Variants in AFDN observed in about 807,000 individuals in gnomAD.
AFDN encodes afadin, adherens junction formation factor, also known as afadin.
A neutral mutation model predicts 216.6 loss-of-function variants in AFDN; 68 were observed. The ratio of observed to expected loss-of-function variants is 0.31; its 90% CI spans 0.26 to 0.38. The LOEUF (loss-of-function observed/expected upper bound fraction) is 0.38. Ranked by LOEUF, AFDN falls within the 10% of genes least tolerant of loss-of-function variation. The probability of loss-of-function intolerance (pLI) is 1.00; values close to 1 mark genes in which losing one functional copy is unlikely to be tolerated. For synonymous variants in AFDN, 868 were observed against 853.7 expected (o/e 1.02, Z -0.29); for missense variants, 2,136 against 2,342.0 (o/e 0.91, Z 1.82).
chr6:167,951,020 A>G lies in AFDN; in HGVS notation c.3832-166A>G, dbSNP rs1204371920. On this transcript the variant is annotated intron_variant, in intron 29 of 33. Transcript: ENST00000683244. The surrounding 1 kb of genome is among the most constrained non-coding windows in gnomAD (Gnocchi z 7.1). ...CCGCTTTTCCTTCTTTACACAGATA[A>G]ATGCACTGTTACTCCACATTAGCCA... is the stretch of plus-strand genomic sequence containing the variant. Among the ~76,000 whole-genome samples the G allele has an allele frequency of 1.3e-5, 2 of 152,078 alleles. No homozygotes were observed. The highest frequency in any genetic ancestry group is 2.9e-5 in the Non-Finnish European group (2 of 68,010).
chr6:167,947,086 T>C (rs1795353990), intron 27 of AFDN, among the ~76,000 whole-genome samples, 185 bp downstream of exon 27: 1 of 152,224 alleles, frequency 6.6e-6, no homozygotes, highest in Non-Finnish European at 1.5e-5. Context: ...GGAAAAACTT[T>C]AGATTCAGTT....
chr6:167,831,410 T>C (rs1257924087), intron 1 of AFDN, among the ~76,000 whole-genome samples: 1 of 152,238 alleles, frequency 6.6e-6, no homozygotes, highest in African/African-American at 2.4e-5. Flanking sequence ...AAAAATCTTT[T>C]ATTTCCTTTA....
At chr6:167,830,433 G>T (rs919273132) in intron 1 of AFDN, among the ~76,000 whole-genome samples, 2 of 152,186 alleles carry the variant, frequency 1.3e-5, no homozygotes, top group African/African-American at 4.8e-5. Context: ...GGCCTTCATT[G>T]TATATACCTT....
chr6:167,860,676 A>G (rs998554311), intron 1 of AFDN, among the ~76,000 whole-genome samples: 3 of 152,238 alleles, frequency 2.0e-5, no homozygotes, highest in Middle Eastern at 3.2e-3. Flanking sequence ...GAACCTGTTC[A>G]TGTCCTGTTG....
chr6:167,880,173 G>A (rs999762747), intron 5 of AFDN, among the ~76,000 whole-genome samples, 187 bp from the exon 6 acceptor site: 5 of 152,108 alleles, frequency 3.3e-5, no homozygotes, highest in African/African-American at 1.2e-4. Flanking sequence ...AGTGTCACTA[G>A]ATCAACTAGT....
At chr6:167,846,975 T>G (rs1562543923) in intron 1 of AFDN, among the ~76,000 whole-genome samples, 1 of 151,730 alleles carries the variant, frequency 6.6e-6, no homozygotes, top group Admixed American at 6.6e-5. Context: ...AATAAAAAAA[T>G]AGTGAGGTAT....
At chr6:167,854,786 A>T (rs1365931691) in intron 1 of AFDN, among the ~76,000 whole-genome samples, 1 of 150,678 alleles carries the variant, frequency 6.6e-6, no homozygotes, top group Admixed American at 6.7e-5. Flanking sequence ...TTAAACATCT[A>T]GTAGGCTGAC....
intron 1 of AFDN, among the ~76,000 whole-genome samples, chr6:167,834,770 A>G (rs548703567): frequency 6.6e-6 from 1 of 152,140 alleles, no homozygotes; most frequent in Non-Finnish European, 1.5e-5. Flanking sequence ...GCTTGAGCCC[A>G]AAAGTTTGTG....
At chr6:167,856,256 A>T (rs1179673819) in intron 1 of AFDN, among the ~76,000 whole-genome samples, 1 of 152,116 alleles carries the variant, frequency 6.6e-6, no homozygotes, top group African/African-American at 2.4e-5. Context: ...TATTATTGTT[A>T]ATCTCTTACT....
At chr6:167,886,953 T>G (rs574131914) in intron 6 of AFDN, among the ~76,000 whole-genome samples, 1 of 149,904 alleles carries the variant, frequency 6.7e-6, no homozygotes, top group African/African-American at 2.5e-5. Flanking sequence ...AGGCGGAGGT[T>G]GCAGTGAGCT....
At chr6:167,966,346 C>T in intron 32 of AFDN, 1 of 1,275,610 alleles carries the variant, frequency 7.8e-7, no homozygotes, top group Non-Finnish European at 1.0e-6. Flanking sequence ...GCACACTTGC[C>T]CTGTAGTATG....
intron 15 of AFDN, chr6:167,912,234 C>T (rs1295577457): frequency 6.6e-6 from 1 of 152,186 alleles, no homozygotes; most frequent in African/African-American, 2.4e-5. Flanking sequence ...AGTTTTTCAT[C>T]TACAGATGAT....
intron 1 of AFDN, among the ~76,000 whole-genome samples, chr6:167,829,356 T>A (rs1424810137): frequency 6.6e-6 from 1 of 152,216 alleles, no homozygotes; most frequent in African/African-American, 2.4e-5. Flanking sequence ...TCTTTTATTA[T>A]GATGTAGGTA....
At position 167,960,326 on chromosome 6, in the gene AFDN, GC is replaced by G. The variant is rs1796913727; in HGVS notation, c.4834-2106del. 2.0e-5 allele frequency among the ~76,000 whole-genome samples: 3 copies of G among 152,256 alleles called. No individual in the cohort carries two copies. In the South Asian group the frequency reaches 6.2e-4, roughly 32 times the overall value. ...CACAAGTGGAGGCTCCTTGCTGACC[GC>G]ATTCCAGATTTAGAAGAATAGAGGT... On this transcript the variant is annotated intron_variant, in intron 30 of 33. Transcript: ENST00000683244.
At chr6:167,912,422 T>C (rs1048203999) in intron 15 of AFDN, among the ~76,000 whole-genome samples, 1 of 152,218 alleles carries the variant, frequency 6.6e-6, no homozygotes, top group Non-Finnish European at 1.5e-5. Flanking sequence ...CTAAGATCTT[T>C]TAGTTCCTTC....
At chr6:167,952,667 A>G (rs1036199688) in intron 30 of AFDN, 3 of 191,514 alleles carry the variant, frequency 1.6e-5, no homozygotes, top group Non-Finnish European at 2.9e-5. Flanking sequence ...CTCTGTACCA[A>G]TAAAACTTTA....
rs551408240 is a variant in AFDN, at chr6:167,888,511, A to G, written c.898-704A>G. ...AGCCCAAAGTCTAGAAGAATATTGG[A>G]CAACCATCATCTCCCACTCTCCTCC... On this transcript the variant is annotated intron_variant, in intron 6 of 33. Coordinates refer to ENST00000683244, the MANE Select transcript of AFDN (RefSeq NM_001386888.1). Among the ~76,000 whole-genome samples, 6 of 152,314 alleles carry G rather than the reference A, an allele frequency of 3.9e-5. No individual in the cohort carries two copies. The East Asian group carries it at 9.6e-4, about 24-fold the overall frequency.
At chr6:167,928,175 G>T (rs1792812880) in intron 23 of AFDN, among the ~76,000 whole-genome samples, 2 of 152,170 alleles carry the variant, frequency 1.3e-5, no homozygotes, top group Admixed American at 1.3e-4. Context: ...AGAGTTTTTG[G>T]TATTCTCTTT....
At chr6:167,949,595 A>G (rs1795731500) in intron 29 of AFDN, among the ~76,000 whole-genome samples, 1 of 152,070 alleles carries the variant, frequency 6.6e-6, no homozygotes, top group Non-Finnish European at 1.5e-5. Flanking sequence ...TTTTGGATGC[A>G]CTCTGTCACC....
Sources: allele counts gnomAD v4.1 joint callset (sites outside exome capture counted in the v4.1 genomes callset), GRCh38; gene constraint gnomAD v4.1.1; non-coding constraint Gnocchi (gnomAD v3.1); transcripts MANE v1.5; gene names NCBI Gene and HGNC (gene_info 2026-07-23, HGNC 2026-07-21).